NRP2: variants seen among roughly 807,000 people sequenced by gnomAD.
NRP2 encodes the protein neuropilin 2.
In NRP2, 52 loss-of-function variants were observed where a neutral mutation model predicts 110.4. The ratio of observed to expected loss-of-function variants is 0.47; its 90% CI spans 0.38 to 0.59. The LOEUF is 0.59. Ranked by LOEUF, NRP2 falls within the 20% of genes least tolerant of loss-of-function variation. NRP2 has a pLI of 0.00. For missense variants in NRP2, 1,049 were observed against 1,203.0 expected (o/e 0.87, Z 1.89); for synonymous variants, 508 against 468.9 (o/e 1.08, Z -1.08).
At chr2:205,740,496 T>C (rs1284172600) in intron 7 of NRP2, 23 bp from the exon 8 acceptor site, 1 of 1,614,058 alleles carries the variant, frequency 6.2e-7, no homozygotes, top group South Asian at 1.1e-5. Flanking sequence ...TTCAATAACA[T>C]GGTTTTGCAT....
intron 2 of NRP2, among the ~76,000 whole-genome samples, chr2:205,698,087 A>C (rs2056473791): frequency 6.6e-6 from 1 of 152,120 alleles, no homozygotes; most frequent in African/African-American, 2.4e-5. Context: ...TGCTACATGT[A>C]TAAACCCCAC....
intron 12 of NRP2, chr2:205,762,613 G>A (rs1036321434): frequency 5.3e-5 from 8 of 152,210 alleles, no homozygotes; most frequent in African/African-American, 1.9e-4. Context: ...CTGCATATGT[G>A]GTAGAAAAGT....
intron 15 of NRP2, among the ~76,000 whole-genome samples, chr2:205,780,043 T>G (rs1173084903): frequency 6.6e-6 from 1 of 152,192 alleles, no homozygotes; most frequent in Non-Finnish European, 1.5e-5. Flanking sequence ...AGATTCTACT[T>G]TCAAAGGGCT....
At chr2:205,764,055 C>A in intron 13 of NRP2, 119 bp downstream of exon 13, 2 of 1,287,174 alleles carry the variant, frequency 1.6e-6, no homozygotes, top group Non-Finnish European at 2.2e-6. Flanking sequence ...CTCACGTTGC[C>A]ATGGCAACTG....
chr2:205,724,749 C>A (rs1210385034), intron 5 of NRP2, among the ~76,000 whole-genome samples: 1 of 149,742 alleles, frequency 6.7e-6, no homozygotes, highest in Non-Finnish European at 1.5e-5. Flanking sequence ...CCAGTGCAAC[C>A]TCCACCTCCC....
intron 7 of NRP2, among the ~76,000 whole-genome samples, chr2:205,732,768 G>C (rs1278389775): frequency 1.3e-5 from 2 of 152,160 alleles, no homozygotes; most frequent in African/African-American, 4.8e-5. Context: ...ATCTGATGGG[G>C]CCTGCATTGA....
At chr2:205,741,684 C>T (rs1418362903) in intron 8 of NRP2, among the ~76,000 whole-genome samples, 4 of 152,228 alleles carry the variant, frequency 2.6e-5, no homozygotes, top group Non-Finnish European at 5.9e-5. Context: ...GTACATCCAT[C>T]CACGTGCCTT....
At chr2:205,723,989 T>A in intron 5 of NRP2, 49 bp downstream of exon 5, 1 of 1,605,296 alleles carries the variant, frequency 6.2e-7, no homozygotes, top group Non-Finnish European at 8.5e-7. Context: ...GTCAGGGCTG[T>A]GAGGGTGTAC....
intron 3 of NRP2, among the ~76,000 whole-genome samples, chr2:205,717,918 G>A (rs112345054): frequency 2.0e-5 from 3 of 152,318 alleles, no homozygotes; most frequent in Non-Finnish European, 4.4e-5. Flanking sequence ...GAGTATGTAT[G>A]TAAATTGAAA....
At chr2:205,775,690 C>G (rs1575667522) in intron 15 of NRP2, among the ~76,000 whole-genome samples, 1 of 152,208 alleles carries the variant, frequency 6.6e-6, no homozygotes, top group Non-Finnish European at 1.5e-5. Context: ...GTCTAGCCAG[C>G]TTAATTAATA....
intron 13 of NRP2, 82 bp from the exon 14 acceptor site, chr2:205,765,392 A>G (rs2057898446): frequency 4.5e-6 from 5 of 1,119,368 alleles, no homozygotes; most frequent in Non-Finnish European, 2.7e-6. Flanking sequence ...TTTAAGCTGC[A>G]GCTAACAGAA....
At chr2:205,755,610 G>A (rs58471007) in intron 12 of NRP2, among the ~76,000 whole-genome samples, 105,198 of 147,230 alleles carry the variant, frequency 0.71, 37,795 homozygotes, top group African/African-American at 0.8. Context: ...TCTCCATAGG[G>A]AAAAAAAAAA....
At chr2:205,731,345 A>T (rs945346077) in intron 7 of NRP2, among the ~76,000 whole-genome samples, 1 of 152,250 alleles carries the variant, frequency 6.6e-6, no homozygotes, top group African/African-American at 2.4e-5. Context: ...ATACAACAGT[A>T]GAAGGTTCAT....
At chr2:205,753,451 G>C (rs2057684790) in intron 12 of NRP2, among the ~76,000 whole-genome samples, 2 of 152,146 alleles carry the variant, frequency 1.3e-5, no homozygotes, top group Non-Finnish European at 2.9e-5. Context: ...CAATTTGAGG[G>C]ACCAAAATGC....
chr2:205,765,747 G>C, intron 14 of NRP2, 177 bp downstream of exon 14: 3 of 743,028 alleles, frequency 4.0e-6, no homozygotes, highest in Non-Finnish European at 7.4e-6. Flanking sequence ...TTCAGGGTGG[G>C]AAGGGGTGTG....
chr2:205,746,049 G>A (rs1451656071), intron 10 of NRP2, among the ~76,000 whole-genome samples, 159 bp downstream of exon 10: 1 of 152,210 alleles, frequency 6.6e-6, no homozygotes, highest in Non-Finnish European at 1.5e-5. Context: ...CACGGGTACT[G>A]CAGCCTCTGG....
intron 15 of NRP2, among the ~76,000 whole-genome samples, chr2:205,785,462 C>T (rs1373513267): frequency 6.6e-6 from 1 of 152,204 alleles, no homozygotes; most frequent in African/African-American, 2.4e-5. Flanking sequence ...TTCCCACCCT[C>T]ATGCCCTAAG....
At chr2:205,683,819 CAA>C in intron 1 of NRP2, among the ~76,000 whole-genome samples, 1 of 152,162 alleles carries the variant, frequency 6.6e-6, no homozygotes. Context: ...TTGGGAAAGA[CAA>C]GAGTTTAGTT....
In NRP2 at chr2:205,795,338, A is replaced by C. The variant is rs904036703; in HGVS notation, c.*280A>C. 3 of 279,492 alleles carry C rather than the reference A, an allele frequency of 1.1e-5. No individual in the cohort carries two copies. Among genetic ancestry groups the C allele is most frequent in the Non-Finnish European group, 2.0e-5 (3 of 148,130 alleles). 17.3% of individuals were successfully genotyped at this position (279,492 alleles called of 1,614,324 possible). On this transcript the variant is annotated 3_prime_UTR_variant, in exon 17 of 17. Transcript: ENST00000357785. ...CAGGAGCTCATCTCTTTGGGGTCAC[A>C]GTTCTATTTTGTTTGTGAGTTTGTA...
Sources: gnomAD v4.1 joint callset for allele counts (sites outside exome capture counted in the v4.1 genomes callset) on GRCh38, gnomAD v4.1.1 for gene constraint, MANE v1.5 for transcripts, NCBI Gene and HGNC (gene_info 2026-07-23, HGNC 2026-07-21) for gene names.